GNL3L: variants seen among roughly 807,000 people sequenced by gnomAD.
GNL3L encodes guanine nucleotide-binding protein-like 3-like protein.
A neutral mutation model predicts 42.9 loss-of-function variants in GNL3L; 4 were observed. The observed-to-expected ratio is 0.09, with a 90% CI of 0.05 to 0.21. The LOEUF (loss-of-function observed/expected upper bound fraction) is 0.21. Ranked by LOEUF, GNL3L falls within the 10% of genes least tolerant of loss-of-function variation. The probability of loss-of-function intolerance (pLI) is 1.00; values close to 1 mark genes in which losing one functional copy is unlikely to be tolerated. For missense variants in GNL3L, 412 were observed against 481.7 expected (o/e 0.86, Z 1.36); for synonymous variants, 159 against 176.3 (o/e 0.90, Z 0.78).
At position 54,560,817 on chromosome X, in the gene GNL3L, G is replaced by T; in HGVS notation, c.*215G>T. 9.9e-6 allele frequency: 3 copies of T among 302,442 alleles called. No homozygotes were observed. The highest frequency in any genetic ancestry group is 1.8e-5 in the Non-Finnish European group (3 of 169,519). The allele number at this position is 302,442 out of a possible 1,213,427, so 24.9% of individuals were successfully genotyped here. A position where few individuals can be genotyped will look rare whatever the true frequency, so the allele number is the denominator to read the frequency against. On this transcript the variant is annotated 3_prime_UTR_variant, in exon 16 of 16. Coordinates refer to ENST00000360845, the MANE Select transcript of GNL3L (RefSeq NM_001184819.2). Reference sequence around the variant, plus strand: ...GCACTTTGGGAGGCCGAGGTGGGCAGATCACCTGAGGTCAGGAGTTCGAGA... The same window carrying T: ...GCACTTTGGGAGGCCGAGGTGGGCATATCACCTGAGGTCAGGAGTTCGAGA...
At chrX:54,638,709 C>T in the GNL3L span, among the ~76,000 whole-genome samples, 2 of 111,951 alleles carry the variant, frequency 1.8e-5, no homozygotes, top group Admixed American at 9.5e-5. Context: ...CTCGGCCTCT[C>T]AAAGTATTGG....
chrX:54,571,040 G>A (rs762691410), downstream of GNL3L, among the ~76,000 whole-genome samples: 2 of 110,756 alleles, frequency 1.8e-5, no homozygotes, highest in Admixed American at 1.9e-4. Flanking sequence ...AATTAATTCA[G>A]CTTTTGTATG....
At chrX:54,615,491 A>C (rs1259124090) in intron 16 of GNL3L, among the ~76,000 whole-genome samples, 1 of 111,919 alleles carries the variant, frequency 8.9e-6, no homozygotes, top group East Asian at 2.8e-4. Flanking sequence ...AGTAACTGTC[A>C]AACTGTTTTT....
chrX:54,545,939 G>A (rs1049012631), intron 8 of GNL3L, among the ~76,000 whole-genome samples: 1 of 112,249 alleles, frequency 8.9e-6, no homozygotes, highest in African/African-American at 3.2e-5. Flanking sequence ...GCCTCAAACT[G>A]CTGGGCTCAA....
At chrX:54,614,187 G>T (rs1037874943) in intron 16 of GNL3L, among the ~76,000 whole-genome samples, 1 of 110,579 alleles carries the variant, frequency 9.0e-6, no homozygotes, top group Non-Finnish European at 1.9e-5. Flanking sequence ...AGTCATGCAG[G>T]TTGTCAGGGA....
At chrX:54,536,215 T>C (rs1924418826) in intron 2 of GNL3L, among the ~76,000 whole-genome samples, 2 of 109,354 alleles carry the variant, frequency 1.8e-5, no homozygotes, top group Admixed American at 9.8e-5. Flanking sequence ...GGTTTCACCA[T>C]GTTGGGCAGG....
the GNL3L span, among the ~76,000 whole-genome samples, chrX:54,643,515 A>G: frequency 2.7e-5 from 3 of 110,616 alleles, no homozygotes; most frequent in African/African-American, 9.8e-5. Context: ...GTACATGCCT[A>G]TGGGTTACAT....
intron 16 of GNL3L, among the ~76,000 whole-genome samples, chrX:54,572,975 TC>T (rs1925578014): frequency 9.4e-6 from 1 of 106,884 alleles, no homozygotes; most frequent in Non-Finnish European, 1.9e-5. Flanking sequence ...GCTCCTCACT[TC>T]CTAGATGTGA....
chrX:54,642,317 A>G, the GNL3L span, among the ~76,000 whole-genome samples: 2 of 111,043 alleles, frequency 1.8e-5, no homozygotes, highest in African/African-American at 3.3e-5. Context: ...TGTTATTTTT[A>G]TTTTTAAAAA....
At chrX:54,591,290 T>G (rs753328403) in intron 16 of GNL3L, among the ~76,000 whole-genome samples, 1 of 110,968 alleles carries the variant, frequency 9.0e-6, no homozygotes, top group East Asian at 2.8e-4. Context: ...TTGGCACCTT[T>G]GTAAAAAATG....
chrX:54,630,830 CAG>C, the GNL3L span, among the ~76,000 whole-genome samples: 1 of 100,567 alleles, frequency 9.9e-6, no homozygotes, highest in African/African-American at 3.7e-5. Flanking sequence ...TTTTTTGAGA[CAG>C]AGTGTCACTT....
At chrX:54,550,234 G>A (rs1318995413) in intron 9 of GNL3L, among the ~76,000 whole-genome samples, 1 of 107,229 alleles carries the variant, frequency 9.3e-6, no homozygotes, top group Non-Finnish European at 1.9e-5. Flanking sequence ...GAGAGAGAGA[G>A]ATGTGTAGAG....
At chrX:54,622,111 T>C (rs1020319403), downstream of GNL3L, among the ~76,000 whole-genome samples, 1 of 110,381 alleles carries the variant, frequency 9.1e-6, no homozygotes, top group African/African-American at 3.3e-5. Context: ...CCAATTTTAA[T>C]AGATACGTAG....
At chrX:54,546,775 T>C (rs1282561516) in intron 8 of GNL3L, among the ~76,000 whole-genome samples, 1 of 110,178 alleles carries the variant, frequency 9.1e-6, no homozygotes, top group Admixed American at 9.7e-5. Flanking sequence ...GCCTCCCGAG[T>C]AGCTGGGATG....
Position 54,562,749 on chromosome X carries a change from C to T in GNL3L, c.*2147C>T. 9.2e-6 allele frequency among the ~76,000 whole-genome samples: 1 copy of T among 108,331 alleles called. No individual in the cohort carries two copies. Among genetic ancestry groups the T allele is most frequent in the Non-Finnish European group, 1.9e-5 (1 of 52,232 alleles). The allele number at this position is 108,331 out of a possible 115,157, so 94.1% of individuals were successfully genotyped here. On this transcript the variant is annotated 3_prime_UTR_variant, in exon 16 of 16. Transcript: ENST00000360845. ...CGGAGGTTGCAGTGAGTCGACATCACACCACTGCACTCCAGCCTGGGGGAC... is the reference window on the plus strand; with the variant it reads ...CGGAGGTTGCAGTGAGTCGACATCATACCACTGCACTCCAGCCTGGGGGAC...
At chrX:54,605,028 A>G (rs959750024) in intron 16 of GNL3L, among the ~76,000 whole-genome samples, 3 of 111,070 alleles carry the variant, frequency 2.7e-5, no homozygotes, top group Non-Finnish European at 3.8e-5. Context: ...GTCTGGTTGT[A>G]TGTTTCTGAG....
downstream of GNL3L, among the ~76,000 whole-genome samples, chrX:54,625,289 G>GTT (rs757281556): frequency 1.0e-3 from 77 of 73,587 alleles, no homozygotes; most frequent in African/African-American, 5.1e-3. Context: ...GTTTTGTTTT[G>GTT]TTTTTTTTTT....
intron 16 of GNL3L, among the ~76,000 whole-genome samples, chrX:54,572,946 T>C (rs1405541556): frequency 4.1e-5 from 4 of 98,139 alleles, no homozygotes; most frequent in Non-Finnish European, 8.2e-5. Context: ...TCCCAGACGA[T>C]GGGCGGCCAG....
chrX:54,558,437 T>TTGGAGATCTCACTGGGTATTG lies in GNL3L; in HGVS notation c.1449_1469dup (p.Gly484_Cys490dup), dbSNP rs1925160639. The TTGGAGATCTCACTGGGTATTG allele has an allele frequency of 8.5e-7, 1 of 1,177,996 alleles. No individual in the cohort carries two copies. ...GTTATGTTTTCTGTCTCTTCCTAGATTGGAGATCTCACTGGGTATTGCACC... is the reference window on the plus strand; with the variant it reads ...GTTATGTTTTCTGTCTCTTCCTAGATTGGAGATCTCACTGGGTATTGTGGAGATCTCACTGGGTATTGCACC... On this transcript the variant is annotated inframe_insertion and splice_region_variant, in exon 15 of 16. Transcript: ENST00000360845.
Sources: allele counts gnomAD v4.1 joint callset (sites outside exome capture counted in the v4.1 genomes callset), GRCh38; gene constraint gnomAD v4.1.1; transcripts MANE v1.5; gene names NCBI Gene and HGNC (gene_info 2026-07-23, HGNC 2026-07-21).